Variants in ZNF26 observed in about 807,000 individuals in gnomAD.
The protein encoded by ZNF26 is zinc finger protein 26, also known as epididymis luminal protein 179.
ZNF26 carries 32 observed loss-of-function variants against 54.9 expected under a neutral mutation model. The observed-to-expected ratio is 0.58, with a 90% CI of 0.44 to 0.78. ZNF26 has a LOEUF of 0.78. Among genes scored for constraint, ZNF26 ranks in the 30% least tolerant of loss-of-function variants. The pLI is 0.00. For missense variants in ZNF26, 524 were observed against 634.0 expected, an observed-to-expected ratio of 0.83 and a Z score of 1.86; for synonymous variants, 221 against 209.2, an observed-to-expected ratio of 1.06 and a Z score of -0.49.
chr12:133,024,624 T>C lies in ZNF26; in HGVS notation c.*13143T>C, dbSNP rs1031716901. ...AAAAGATGTAATCCAAGGCTGGCTATAATACCCTTATGTAAGATTCCAGAA... is the reference window on the plus strand; with the variant it reads ...AAAAGATGTAATCCAAGGCTGGCTACAATACCCTTATGTAAGATTCCAGAA... On this transcript the variant is annotated 3_prime_UTR_variant, in exon 4 of 4. Coordinates refer to ENST00000328654, the MANE Select transcript of ZNF26 (RefSeq NM_019591.4). The C allele has an allele frequency of 1.3e-5, 2 of 152,238 alleles. No individual in the cohort carries two copies. The highest frequency in any genetic ancestry group is 2.9e-5 in the Non-Finnish European group (2 of 68,042). 9.4% of individuals were successfully genotyped at this position (152,238 alleles called of 1,614,324 possible). A position where few individuals can be genotyped will look rare whatever the true frequency, so the allele number is the denominator to read the frequency against.
rs1389533865 is a variant in ZNF26, at chr12:133,018,270, A to G, written c.*6789A>G. 6.6e-6 allele frequency: 1 copy of G among 152,206 alleles called. No homozygotes were observed. The highest frequency in any genetic ancestry group is 2.4e-5 in the African/African-American group (1 of 41,452). The allele number at this position is 152,206 out of a possible 1,614,324, so 9.4% of individuals were successfully genotyped here. On this transcript the variant is annotated 3_prime_UTR_variant, in exon 4 of 4. Coordinates refer to ENST00000328654, the MANE Select transcript of ZNF26 (RefSeq NM_019591.4). ...TCTCTTCATCTCTCAGCCTCTTTAA[A>G]TTATAAAATATATAAAGCAATATTT...
intron 1 of ZNF26, among the ~76,000 whole-genome samples, chr12:132,994,111 C>T (rs1196046997): frequency 6.6e-6 from 1 of 152,194 alleles, no homozygotes; most frequent in African/African-American, 2.4e-5. Context: ...CTCAGAAAAG[C>T]TTGGGACTTT....
intron 1 of ZNF26, among the ~76,000 whole-genome samples, chr12:132,990,480 A>G (rs1952924554): frequency 6.6e-6 from 1 of 152,114 alleles, no homozygotes; most frequent in Non-Finnish European, 1.5e-5. Context: ...TTTTGTATCT[A>G]TATTTATGAG....
Position 133,011,462 on chromosome 12 carries a change from A to G in ZNF26, c.1583A>G (p.His528Arg), listed in dbSNP as rs1953471398. ...SFCWNSGLRI[H>R]RKTHK is the part of the protein sequence containing the mutation. ...TGTTGGAATTCAGGGCTTCGTATAC[A>G]TCGGAAGACTCATAAATGAGAAATC... is the stretch of plus-strand genomic sequence containing the variant. Residue 528 changes from histidine (H) to arginine (R), a missense_variant, in exon 4 of 4, where the codon CAT becomes CGT. By Grantham distance (29) the His-to-Arg change is conservative (BLOSUM62 0). Transcript: ENST00000328654. The G allele has an allele frequency of 3.2e-6, 5 of 1,552,944 alleles. No individual in the cohort carries two copies. Among genetic ancestry groups the G allele is most frequent in the Non-Finnish European group, 3.5e-6 (4 of 1,153,926 alleles).
intron 1 of ZNF26, among the ~76,000 whole-genome samples, chr12:132,994,288 A>G (rs1953026515): frequency 6.6e-6 from 1 of 152,146 alleles, no homozygotes; most frequent in African/African-American, 2.4e-5. Flanking sequence ...GCCTGTCTCT[A>G]ATTTTGGGGA....
At chr12:133,010,066 A>G (rs888708718) in intron 3 of ZNF26, 70 bp from the exon 4 acceptor site, 5 of 1,467,282 alleles carry the variant, frequency 3.4e-6, no homozygotes, top group African/African-American at 2.8e-5. Context: ...TCACAGTCCT[A>G]ATACTGTTTA....
chr12:133,002,521 A>G (rs1365123140), intron 1 of ZNF26, among the ~76,000 whole-genome samples: 1 of 152,056 alleles, frequency 6.6e-6, no homozygotes, highest in Non-Finnish European at 1.5e-5. Flanking sequence ...CTGCCTAGGT[A>G]TAACCTCATC....
At chr12:132,990,038 C>G (rs1952913544) in intron 1 of ZNF26, among the ~76,000 whole-genome samples, 2 of 152,026 alleles carry the variant, frequency 1.3e-5, no homozygotes, top group Non-Finnish European at 2.9e-5. Flanking sequence ...CCTGTAATCA[C>G]TTTGGGAGGC....
Position 132,986,573 on chromosome 12 carries a change from C to T in ZNF26, c.-268C>T, listed in dbSNP as rs1593624036. 1.8e-6 allele frequency: 1 copy of T among 569,280 alleles called. No homozygotes were observed. Among genetic ancestry groups the T allele is most frequent in the South Asian group, 2.1e-5 (1 of 47,320 alleles). 35.3% of individuals were successfully genotyped at this position (569,280 alleles called of 1,614,324 possible). The stretch of plus-strand genomic sequence containing the variant: ...GGGGCGTGGACGGGGCCAGATCAGC[C>T]TCCTGCTCTCCCGAGTCAGGGCCAC... On this transcript the variant is annotated 5_prime_UTR_variant, in exon 1 of 4. Transcript: ENST00000328654.
At chr12:132,990,740 T>G (rs2137210488) in intron 1 of ZNF26, among the ~76,000 whole-genome samples, 1 of 152,344 alleles carries the variant, frequency 6.6e-6, no homozygotes, top group Non-Finnish European at 1.5e-5. Context: ...TATTAGAGTG[T>G]CTGTTTCTTT....
At position 133,018,187 on chromosome 12, in the gene ZNF26, G is replaced by A. The variant is rs1953593176; in HGVS notation, c.*6706G>A. On this transcript the variant is annotated 3_prime_UTR_variant, in exon 4 of 4. Transcript: ENST00000328654. Reference sequence around the variant, plus strand: ...ACTTAAAGCCACAAGAATAAGCTGAGAGAACCAGAAATAGGAAATAAATAG... The same window carrying A: ...ACTTAAAGCCACAAGAATAAGCTGAAAGAACCAGAAATAGGAAATAAATAG... The A allele has an allele frequency of 6.6e-6, 1 of 152,152 alleles. No individual in the cohort carries two copies. The highest frequency in any genetic ancestry group is 2.4e-5 in the African/African-American group (1 of 41,424). 9.4% of individuals were successfully genotyped at this position (152,152 alleles called of 1,614,324 possible). A position where few individuals can be genotyped will look rare whatever the true frequency, so the allele number is the denominator to read the frequency against.
chr12:133,019,722 A>T lies in ZNF26; in HGVS notation c.*8241A>T, dbSNP rs1476978521. On this transcript the variant is annotated 3_prime_UTR_variant, in exon 4 of 4. Transcript: ENST00000328654. ...TCCAGCAACCCCACTACTGGGTGAA[A>T]AGCCAAAAGAAAGGAAATCAGTACA... 5 of 152,304 alleles carry T rather than the reference A, an allele frequency of 3.3e-5. No individual in the cohort carries two copies. Among genetic ancestry groups the T allele is most frequent in the African/African-American group, 1.2e-4 (5 of 41,444 alleles). 9.4% of individuals were successfully genotyped at this position (152,304 alleles called of 1,614,324 possible).
chr12:132,989,787 A>G (rs1014757815), intron 1 of ZNF26, among the ~76,000 whole-genome samples: 1 of 152,310 alleles, frequency 6.6e-6, no homozygotes, highest in South Asian at 2.1e-4. Context: ...TTCCAGTACA[A>G]TGTTGAAAAA....
chr12:133,003,256 T>G (rs1490793357), intron 1 of ZNF26, among the ~76,000 whole-genome samples: 1 of 144,638 alleles, frequency 6.9e-6, no homozygotes, highest in Non-Finnish European at 1.5e-5. Context: ...AGTTCCCTTT[T>G]CTTTTTTTTT....
intron 1 of ZNF26, among the ~76,000 whole-genome samples, chr12:132,995,738 G>A (rs1277726684): frequency 1.3e-5 from 2 of 151,966 alleles, no homozygotes; most frequent in Non-Finnish European, 2.9e-5. Flanking sequence ...TGCAACCTCC[G>A]CCTCCTGGGT....
At chr12:132,995,753 GC>G (rs1441318847) in intron 1 of ZNF26, among the ~76,000 whole-genome samples, 1 of 152,100 alleles carries the variant, frequency 6.6e-6, no homozygotes, top group Non-Finnish European at 1.5e-5. Flanking sequence ...CTGGGTTCAA[GC>G]AATTCTTCTG....
At chr12:132,999,063 A>G (rs1233242695) in intron 1 of ZNF26, among the ~76,000 whole-genome samples, 2 of 152,206 alleles carry the variant, frequency 1.3e-5, no homozygotes, top group Non-Finnish European at 2.9e-5. Flanking sequence ...TGGAACTGCC[A>G]TCCACAAATC....
intron 1 of ZNF26, among the ~76,000 whole-genome samples, chr12:133,002,630 G>GT (rs770287187): frequency 0.027 from 4,144 of 151,368 alleles, 103 homozygotes; most frequent in Non-Finnish European, 0.036. Context: ...TTTGTTTTTT[G>GT]TTTTTTTGTT....
intron 1 of ZNF26, among the ~76,000 whole-genome samples, chr12:132,994,606 G>A (rs1953034491): frequency 6.6e-6 from 1 of 152,196 alleles, no homozygotes; most frequent in Admixed American, 6.5e-5. Flanking sequence ...AAATGTTTGT[G>A]TTGGCTTATT....
Sources: allele counts gnomAD v4.1 joint callset (sites outside exome capture counted in the v4.1 genomes callset), GRCh38; gene constraint gnomAD v4.1.1; transcripts MANE v1.5; gene names NCBI Gene and HGNC (gene_info 2026-07-23, HGNC 2026-07-21).